DSC2: variants seen among roughly 807,000 people sequenced by gnomAD.
DSC2 encodes desmocollin 2.
A neutral mutation model predicts 87.6 loss-of-function variants in DSC2; 51 were observed. The observed-to-expected ratio is 0.58, with a 90% CI of 0.46 to 0.74. The LOEUF (loss-of-function observed/expected upper bound fraction) is 0.74, where lower values mean the gene tolerates loss of function less well. Ranked by LOEUF, DSC2 falls within the 30% of genes least tolerant of loss-of-function variation. The pLI is 0.00. For missense variants in DSC2, 1,066 were observed against 1,089.5 expected, an observed-to-expected ratio of 0.98 and a Z score of 0.30; for synonymous variants, 383 against 393.2, an observed-to-expected ratio of 0.97 and a Z score of 0.31.
At chr18:31,090,197 C>T (rs1267718312) in intron 4 of DSC2, among the ~76,000 whole-genome samples, 1 of 152,132 alleles carries the variant, frequency 6.6e-6, no homozygotes, top group Admixed American at 6.5e-5. Context: ...CAGTAACATC[C>T]TATCTTTATA....
Position 31,066,107 on chromosome 18 carries a change from C to T in DSC2, c.*1908G>A, listed in dbSNP as rs1327785728. ...TAGGAAACAAGTTCTGTTATTATCC[C>T]CCATTTTAAAATGATGAAAATGGAC... On this transcript the variant is annotated 3_prime_UTR_variant, in exon 16 of 16. Coordinates refer to ENST00000280904, the MANE Select transcript of DSC2 (RefSeq NM_024422.6). The T allele has an allele frequency of 6.6e-6, 1 of 152,058 alleles. No homozygotes were observed. The highest frequency in any genetic ancestry group is 1.9e-4 in the East Asian group (1 of 5,182). The allele number at this position is 152,058 out of a possible 1,614,324, so 9.4% of individuals were successfully genotyped here. A position where few individuals can be genotyped will look rare whatever the true frequency, so the allele number is the denominator to read the frequency against.
At chr18:31,099,103 G>C (rs866903394) in intron 1 of DSC2, among the ~76,000 whole-genome samples, 1 of 152,160 alleles carries the variant, frequency 6.6e-6, no homozygotes, top group African/African-American at 2.4e-5. Context: ...ATCACAGTCA[G>C]TAGAGTGATA....
In DSC2 at chr18:31,082,940, A is replaced by C; in HGVS notation, c.1063T>G (p.Phe355Val). The change falls in exon 8 of 16, where the codon TTT becomes GTT. Residue 355 changes from phenylalanine (F) to valine (V), a missense_variant. Transcript: ENST00000280904. ...IDDVNDHLPT[F>V]TRTSYVTSVE... is the part of the protein sequence containing the mutation. ...CATACACTTACAGAAGTACGAGTAA[A>C]TGTTGGCAAGTGGTCATTTACATCA... 5.0e-6 allele frequency: 8 copies of C among 1,613,528 alleles called. No individual in the cohort carries two copies. The highest frequency in any genetic ancestry group is 6.8e-6 in the Non-Finnish European group (8 of 1,179,942).
chr18:31,074,852 G>A lies in DSC2; in HGVS notation c.1719C>T (p.Asn573=), dbSNP rs140167653. The A allele has an allele frequency of 9.8e-4, 1,581 of 1,613,912 alleles. 13 individuals carry two copies. In the African/African-American group the frequency reaches 0.018, roughly 18 times the overall value. ...CTGTCTTTTTAGGTATGAATGGGCTGTTATCATTCACGTCTTGAAGTATAA... is the reference window on the plus strand; with the variant it reads ...CTGTCTTTTTAGGTATGAATGGGCTATTATCATTCACGTCTTGAAGTATAA... ...LGIILQDVND[N]SPFIPKKTVI... is the part of the protein sequence containing the mutation. Residue 573 remains asparagine, a synonymous_variant, in exon 12 of 16, where the codon AAC becomes AAT. Transcript: ENST00000280904.
At chr18:31,099,576 G>A (rs1987868636) in intron 1 of DSC2, among the ~76,000 whole-genome samples, 2 of 151,940 alleles carry the variant, frequency 1.3e-5, no homozygotes, top group Admixed American at 1.3e-4. Context: ...GTCAGACCCT[G>A]AGTGGTCAGA....
chr18:31,083,113 T>C, intron 7 of DSC2, 53 bp from the exon 8 acceptor site: 5 of 1,582,170 alleles, frequency 3.2e-6, no homozygotes, highest in Non-Finnish European at 4.3e-6. Flanking sequence ...ACATTATAAT[T>C]GAAATCTTAC....
rs1329813685 is a variant in DSC2 at position 31,061,803 on chromosome 18, G to A, written c.*6212C>T. 1 of 152,118 alleles carries A rather than the reference G, an allele frequency of 6.6e-6. No homozygotes were observed. Among genetic ancestry groups the A allele is most frequent in the Non-Finnish European group, 1.5e-5 (1 of 68,022 alleles). The allele number at this position is 152,118 out of a possible 1,614,324, so 9.4% of individuals were successfully genotyped here. ...TAGGTTCTGCTTCTTAGCTATTGAT[G>A]GGATAAAGAACACAAGGACAGGTGG... On this transcript the variant is annotated 3_prime_UTR_variant, in exon 16 of 16. Transcript: ENST00000280904.
chr18:31,092,749 C>T (rs115072280), intron 2 of DSC2, among the ~76,000 whole-genome samples: 2 of 152,074 alleles, frequency 1.3e-5, no homozygotes, highest in Admixed American at 1.3e-4. Flanking sequence ...TTGGATTGAT[C>T]TTTTCTTACA....
In DSC2 at chr18:31,079,575, A is replaced by G. The variant is rs571033869; in HGVS notation, c.1663+272T>C. ...CAGCTGAAACAAGTTTTACTAAAAT[A>G]ATTTTCTCAATTTTTAATAATTTTA... On this transcript the variant is annotated intron_variant, in intron 11 of 15. Coordinates refer to ENST00000280904, the MANE Select transcript of DSC2 (RefSeq NM_024422.6). 2.0e-4 allele frequency among the ~76,000 whole-genome samples: 31 copies of G among 152,304 alleles called. No individual in the cohort carries two copies. The East Asian group carries it at 5.0e-3, about 25-fold the overall frequency.
chr18:31,091,668 C>G (rs1440417469), intron 3 of DSC2: 1 of 456,040 alleles, frequency 2.2e-6, no homozygotes, highest in African/African-American at 2.0e-5. Flanking sequence ...TTGGGTGTCA[C>G]AACACAATAG....
Position 31,060,467 on chromosome 18 carries a change from C to A in DSC2, c.*7548G>T. On this transcript the variant is annotated 3_prime_UTR_variant, in exon 16 of 16. Coordinates refer to ENST00000280904, the MANE Select transcript of DSC2 (RefSeq NM_024422.6). Reference sequence around the variant, plus strand: ...CTACCCTCATCTCCCATCCCTGATTCACAGGCCCCTCTGAAGCTCCTGGCC... The same window carrying A: ...CTACCCTCATCTCCCATCCCTGATTAACAGGCCCCTCTGAAGCTCCTGGCC... The A allele has an allele frequency of 6.6e-6, 1 of 152,314 alleles. No individual in the cohort carries two copies. The highest frequency in any genetic ancestry group is 1.5e-5 in the Non-Finnish European group (1 of 68,094). The allele number at this position is 152,314 out of a possible 1,614,324, so 9.4% of individuals were successfully genotyped here.
rs1790694 is a variant in DSC2 at position 31,062,163 on chromosome 18, G to A, written c.*5852C>T. On this transcript the variant is annotated 3_prime_UTR_variant, in exon 16 of 16. Coordinates refer to ENST00000280904, the MANE Select transcript of DSC2 (RefSeq NM_024422.6). ...CTTCTCTCAGGGCACACATGAGCACGGTGGTTTCCTGTTACAGAATGTTCT... is the reference window on the plus strand; with the variant it reads ...CTTCTCTCAGGGCACACATGAGCACAGTGGTTTCCTGTTACAGAATGTTCT... The A allele has an allele frequency of 0.64, 96,956 of 152,062 alleles. 31,082 individuals are homozygous for A. The highest frequency in any genetic ancestry group is 0.7 in the East Asian group (3,636 of 5,166). 9.4% of individuals were successfully genotyped at this position (152,062 alleles called of 1,614,324 possible).
chr18:31,099,658 A>G (rs1395432291), intron 1 of DSC2, among the ~76,000 whole-genome samples: 1 of 152,180 alleles, frequency 6.6e-6, no homozygotes, highest in South Asian at 2.1e-4. Flanking sequence ...GGAACCATAT[A>G]AAGAATGAGT....
At chr18:31,074,587 C>T (rs144730985) in intron 12 of DSC2, 96 bp downstream of exon 12, 46 of 1,154,710 alleles carry the variant, frequency 4.0e-5, no homozygotes, top group East Asian at 3.1e-4. Context: ...TGGTGTTTCC[C>T]ACATGGTGAA....
chr18:31,077,104 A>C (rs572831765), intron 11 of DSC2, among the ~76,000 whole-genome samples: 1 of 152,368 alleles, frequency 6.6e-6, no homozygotes, highest in East Asian at 1.9e-4. Flanking sequence ...CAGCAAGAAG[A>C]AAAAAGAGCT....
chr18:31,078,473 A>C lies in DSC2; in HGVS notation c.1663+1374T>G, dbSNP rs182329718. Among the ~76,000 whole-genome samples the C allele has an allele frequency of 1.2e-3, 183 of 152,352 alleles. 1 individual carries two copies. The highest frequency in any genetic ancestry group is 4.1e-3 in the African/African-American group (170 of 41,584). On this transcript the variant is annotated intron_variant, in intron 11 of 15. Transcript: ENST00000280904. ...TGCAACAGACGAGAATGTAGAATAAAATTATAGGCAAAATTTCTAATTTCA... is the reference window on the plus strand; with the variant it reads ...TGCAACAGACGAGAATGTAGAATAACATTATAGGCAAAATTTCTAATTTCA...
chr18:31,091,227 C>A, intron 3 of DSC2, 80 bp from the exon 4 acceptor site: 1 of 1,568,650 alleles, frequency 6.4e-7, no homozygotes, highest in East Asian at 2.3e-5. Flanking sequence ...ACATCTTTCT[C>A]CTCTCAGGAG....
At position 31,059,040 on chromosome 18, in the gene DSC2, C is replaced by T. The variant is rs930873297; in HGVS notation, c.*8975G>A. ...CTGAAGACTAGGGAGGTTCAGGTTA[C>T]ACAGATGGTTTGTGGTAGAGCCCAG... On this transcript the variant is annotated 3_prime_UTR_variant, in exon 16 of 16. Transcript: ENST00000280904. 3.9e-5 allele frequency: 6 copies of T among 152,122 alleles called. 1 individual carries two copies. Among genetic ancestry groups the T allele is most frequent in the Non-Finnish European group, 8.8e-5 (6 of 68,012 alleles). 9.4% of individuals were successfully genotyped at this position (152,122 alleles called of 1,614,324 possible). A position where few individuals can be genotyped will look rare whatever the true frequency, so the allele number is the denominator to read the frequency against.
chr18:31,069,357 T>C (rs913720215), intron 14 of DSC2, among the ~76,000 whole-genome samples: 3 of 152,166 alleles, frequency 2.0e-5, no homozygotes, highest in Non-Finnish European at 2.9e-5. Flanking sequence ...ACAAGCAAAC[T>C]GTCAAGTGGT....
Sources: allele counts gnomAD v4.1 joint callset (sites outside exome capture counted in the v4.1 genomes callset), GRCh38; gene constraint gnomAD v4.1.1; transcripts MANE v1.5; gene names NCBI Gene and HGNC (gene_info 2026-07-23, HGNC 2026-07-21).